FOXH1: variants seen among roughly 807,000 people sequenced by gnomAD.
FOXH1 encodes forkhead box protein H1.
Under a neutral mutation model 14.2 loss-of-function variants are expected in FOXH1, and 10 were observed. That is an observed-to-expected ratio of 0.70 (90% confidence interval 0.43 to 1.19). The LOEUF (loss-of-function observed/expected upper bound fraction) is 1.19, where lower values mean the gene tolerates loss of function less well. Ranked by LOEUF, FOXH1 falls within the 50% of genes most tolerant of loss-of-function variation. FOXH1 has a pLI of 0.00. For missense variants in FOXH1, 643 were observed against 492.1 expected (o/e 1.31, Z -2.90); for synonymous variants, 273 against 209.5 (o/e 1.30, Z -2.62).
rs754721909 is a variant in FOXH1, at chr8:144,474,753, C to T, written c.583G>A (p.Gly195Ser). 5.7e-6 allele frequency: 9 copies of T among 1,573,984 alleles called. No homozygotes were observed. In the South Asian group the frequency reaches 5.7e-5, roughly 10 times the overall value. Residue 195 changes from glycine (G) to serine (S), a missense_variant, in exon 3 of 3, where the codon GGC (glycine) becomes AGC (serine). Transcript: ENST00000377317. ...GCCTCCTCCCCACTGTTCCCTGTGC[C>T]TGCAGGAACTGGGCTGCTCTGTGGA... ...LAPQSSPVPA[G>S]TGNSGEEAVP... is the part of the protein sequence containing the mutation.
In FOXH1 at chr8:144,473,474, C is replaced by T. The variant is rs965769299; in HGVS notation, c.*764G>A. ...AGTAAAGTCCCTGTACCCCGTCTCC[C>T]AGGGCACAAGCTCCCTAGCCTCTTT... On this transcript the variant is annotated 3_prime_UTR_variant, in exon 3 of 3. Coordinates refer to ENST00000377317, the MANE Select transcript of FOXH1 (RefSeq NM_003923.3). 7 of 1,458,538 alleles carry T rather than the reference C, an allele frequency of 4.8e-6. No individual in the cohort carries two copies. Among genetic ancestry groups the T allele is most frequent in the Middle Eastern group, 1.8e-4 (1 of 5,522 alleles). 90.3% of individuals were successfully genotyped at this position (1,458,538 alleles called of 1,614,324 possible).
In FOXH1 at chr8:144,474,553, A is replaced by G. The variant is rs151147114; in HGVS notation, c.783T>C (p.Pro261=). ...TGTGTCCCCCGCTGGACCGTCCCCC[A>G]GGAACTGCGGTGCCCTGCAGTAAGT... is the stretch of plus-strand genomic sequence containing the variant. ...PLHLLQGTAV[P]GGRSSGGHRA... Residue 261 remains proline (P), a synonymous_variant, in exon 3 of 3, where the codon CCT becomes CCC. Coordinates refer to ENST00000377317, the MANE Select transcript of FOXH1 (RefSeq NM_003923.3). 2.2e-3 allele frequency: 3,595 copies of G among 1,610,902 alleles called. 22 individuals are homozygous for G. The highest frequency in any genetic ancestry group is 1.7e-3 in the Non-Finnish European group (1,954 of 1,179,876).
In FOXH1 at chr8:144,473,496, C is replaced by T; in HGVS notation, c.*742G>A. The stretch of plus-strand genomic sequence containing the variant: ...TCCCAGGGCACAAGCTCCCTAGCCT[C>T]TTTGGATCCATTGCCCCTGAGCTCC... On this transcript the variant is annotated 3_prime_UTR_variant, in exon 3 of 3. Transcript: ENST00000377317. 2.8e-6 allele frequency: 4 copies of T among 1,424,184 alleles called. No homozygotes were observed. Among genetic ancestry groups the T allele is most frequent in the Non-Finnish European group, 3.7e-6 (4 of 1,090,558 alleles). The allele number at this position is 1,424,184 out of a possible 1,614,324, so 88.2% of individuals were successfully genotyped here.
Position 144,474,351 on chromosome 8 carries a change from C to G in FOXH1, c.985G>C (p.Ala329Pro), listed in dbSNP as rs200505906. The G allele has an allele frequency of 6.2e-7, 1 of 1,613,056 alleles. No individual in the cohort carries two copies. The change falls in exon 3 of 3, where the codon GCC (alanine) becomes CCC (proline). Residue 329 changes from alanine (A) to proline (P), a missense_variant. By Grantham distance (27) the Ala-to-Pro change is conservative (BLOSUM62 -1). Coordinates refer to ENST00000377317, the MANE Select transcript of FOXH1 (RefSeq NM_003923.3). ...GPPGLLCDLD[A>P]LFQGVPPNKS... ...TTGGGTGGCACCCCTTGGAAGAGGGCGTCTAGATCGCAGAGCAGCCCTGGG... is the reference window on the plus strand; with the variant it reads ...TTGGGTGGCACCCCTTGGAAGAGGGGGTCTAGATCGCAGAGCAGCCCTGGG...
In FOXH1 at chr8:144,474,658, C is replaced by G. The variant is rs548599748; in HGVS notation, c.678G>C (p.Thr226=). 2.6e-6 allele frequency: 4 copies of G among 1,555,958 alleles called. No individual in the cohort carries two copies. The highest frequency in any genetic ancestry group is 1.4e-5 in the African/African-American group (1 of 73,850). ...CCTGCACAGTCTCCCCCTCCACTCT[C>G]GTGGGGCCAGGAAGGGGGCAGAGGG... is the stretch of plus-strand genomic sequence containing the variant. ...LWPLCPLPGP[T]RVEGETVQGG... Residue 226 remains threonine, a synonymous_variant, in exon 3 of 3, where the codon ACG becomes ACC. Transcript: ENST00000377317.
At position 144,474,357 on chromosome 8, in the gene FOXH1, G is replaced by A. The variant is rs1210449149; in HGVS notation, c.979C>T (p.Leu327=). Residue 327 remains leucine (L), a synonymous_variant, in exon 3 of 3, where the codon CTA becomes TTA. Transcript: ENST00000377317. Reference sequence around the variant, plus strand: ...GGCACCCCTTGGAAGAGGGCGTCTAGATCGCAGAGCAGCCCTGGGGGCCCT... The same window carrying A: ...GGCACCCCTTGGAAGAGGGCGTCTAAATCGCAGAGCAGCCCTGGGGGCCCT... The part of the protein sequence containing the change: ...TRGPPGLLCD[L]DALFQGVPPN... 2 of 1,612,978 alleles carry A rather than the reference G, an allele frequency of 1.2e-6. No homozygotes were observed. Among genetic ancestry groups the A allele is most frequent in the African/African-American group, 1.3e-5 (1 of 74,948 alleles).
chr8:144,475,549 G>A, intron 1 of FOXH1, 34 bp downstream of exon 1: 5 of 1,440,702 alleles, frequency 3.5e-6, no homozygotes, highest in South Asian at 1.5e-5. Context: ...AACGAGTCTG[G>A]GGAAAGAGAG....
intron 1 of FOXH1, 84 bp from the exon 2 acceptor site, chr8:144,475,345 A>T: frequency 8.2e-7 from 1 of 1,223,276 alleles, no homozygotes; most frequent in Non-Finnish European, 1.2e-6. Context: ...TACCGGGCTC[A>T]GGGGCGCGCG....
Position 144,474,785 on chromosome 8 carries a change from C to T in FOXH1, c.551G>A (p.Gly184Glu). The change falls in exon 3 of 3, where the codon GGG (glycine) becomes GAG (glutamate). Residue 184 changes from glycine to glutamate, a missense_variant. Gly to Glu is a moderately conservative substitution (Grantham distance 98, BLOSUM62 -2). Transcript: ENST00000377317. Reference sequence around the variant, plus strand: ...AACTGGGCTGCTCTGTGGAGCTAGCCCCGGCCAGGGTGCCCCCTCCCCGGA... The same window carrying T: ...AACTGGGCTGCTCTGTGGAGCTAGCTCCGGCCAGGGTGCCCCCTCCCCGGA... ...GGSGEGAPWPGLAPQSSPVPA... is the reference protein window; with the variant it reads ...GGSGEGAPWPELAPQSSPVPA... The T allele has an allele frequency of 1.2e-6, 2 of 1,602,096 alleles. No individual in the cohort carries two copies. The highest frequency in any genetic ancestry group is 8.5e-7 in the Non-Finnish European group (1 of 1,173,968).
chr8:144,473,848 T>G lies in FOXH1; in HGVS notation c.*390A>C. The G allele has an allele frequency of 1.7e-5, 6 of 352,058 alleles. No individual in the cohort carries two copies. The highest frequency in any genetic ancestry group is 2.6e-5 in the Non-Finnish European group (5 of 193,118). 21.8% of individuals were successfully genotyped at this position (352,058 alleles called of 1,614,324 possible). On this transcript the variant is annotated 3_prime_UTR_variant, in exon 3 of 3. Transcript: ENST00000377317. ...AGGTGCTACCTCCTTTCCAGACAGA[T>G]GAGAGAGGGCAGGACTTCAGGCTGG...
Position 144,474,949 on chromosome 8 carries a change from C to T in FOXH1, c.387G>A (p.Arg129=), listed in dbSNP as rs762650637. ...ALRLQNTALC[R]RWQNGGARGA... ...CACGCGCACCTCCGTTCTGCCAGCG[C>T]CGGCACAGGGCGGTGTTCTGCAGCC... is the stretch of plus-strand genomic sequence containing the variant. Residue 129 remains arginine (R), a synonymous_variant, in exon 3 of 3, where the codon CGG becomes CGA. Coordinates refer to ENST00000377317, the MANE Select transcript of FOXH1 (RefSeq NM_003923.3). 64 of 1,607,888 alleles carry T rather than the reference C, an allele frequency of 4.0e-5. 2 individuals are homozygous for T. The Admixed American group carries it at 1.0e-3, about 25-fold the overall frequency.
rs1825063597 is a variant in FOXH1 at position 144,474,160 on chromosome 8, C to G, written c.*78G>C. On this transcript the variant is annotated 3_prime_UTR_variant, in exon 3 of 3. Coordinates refer to ENST00000377317, the MANE Select transcript of FOXH1 (RefSeq NM_003923.3). ...GTTTCGAGGCTGCTGTGGTCGCAGA[C>G]AGCCGCCTCGCCTTGGCTCCCTGTC... 4 of 1,176,572 alleles carry G rather than the reference C, an allele frequency of 3.4e-6. No individual in the cohort carries two copies. The South Asian group carries it at 6.3e-5, about 18-fold the overall frequency. The allele number at this position is 1,176,572 out of a possible 1,614,324, so 72.9% of individuals were successfully genotyped here. A position where few individuals can be genotyped will look rare whatever the true frequency, so the allele number is the denominator to read the frequency against.
rs146750489 is a variant in FOXH1 at position 144,475,002 on chromosome 8, C to T, written c.334G>A (p.Val112Met). Residue 112 changes from valine (V) to methionine (M), a missense_variant, in exon 3 of 3, where the codon GTG becomes ATG. By Grantham distance (21) the Val-to-Met change is conservative. Transcript: ENST00000377317. ...AGCGCCTCAGCTGGGATCAGGCTCA[C>T]GTCGACCGCCCAGAAGTTGCCCTTG... Reference protein sequence around the residue: ...QAKGNFWAVDVSLIPAEALRL... With the variant: ...QAKGNFWAVDMSLIPAEALRL... The T allele has an allele frequency of 9.8e-5, 157 of 1,606,160 alleles. No homozygotes were observed. The highest frequency in any genetic ancestry group is 7.7e-4 in the African/African-American group (58 of 74,870).
Position 144,474,032 on chromosome 8 carries a change from C to G in FOXH1, c.*206G>C, listed in dbSNP as rs1231457677. On this transcript the variant is annotated 3_prime_UTR_variant, in exon 3 of 3. Transcript: ENST00000377317. ...GCTTTGCCGCTGAGTGTAGGAAAAACAGGCATGACAGACCAGGGTGAGGGT... is the reference window on the plus strand; with the variant it reads ...GCTTTGCCGCTGAGTGTAGGAAAAAGAGGCATGACAGACCAGGGTGAGGGT... 1.7e-6 allele frequency: 1 copy of G among 578,918 alleles called. No homozygotes were observed. Among genetic ancestry groups the G allele is most frequent in the African/African-American group, 1.9e-5 (1 of 53,606 alleles). 35.9% of individuals were successfully genotyped at this position (578,918 alleles called of 1,614,324 possible).
rs1825117116 is a variant in FOXH1, at chr8:144,475,323, C to T, written c.175-62G>A. The T allele has an allele frequency of 5.1e-6, 7 of 1,380,464 alleles. No homozygotes were observed. The South Asian group carries it at 6.0e-5, about 12-fold the overall frequency. 85.5% of individuals were successfully genotyped at this position (1,380,464 alleles called of 1,614,324 possible). ...CAGACGGGGAGGGGGTAGCGCCCTA[C>T]CCCTCCCCCACTACCGGGCTCAGGG... On this transcript the variant is annotated intron_variant, in intron 1 of 2. Transcript: ENST00000377317.
chr8:144,474,192 G>A lies in FOXH1; in HGVS notation c.*46C>T, dbSNP rs781228976. ...CTCGCCTTGGCTCCCTGTCAACAAG[G>A]TGGGGGTGGGAGCGGGAGGGAGGAG... On this transcript the variant is annotated 3_prime_UTR_variant, in exon 3 of 3. Transcript: ENST00000377317. 42 of 1,427,678 alleles carry A rather than the reference G, an allele frequency of 2.9e-5. No individual in the cohort carries two copies. Among genetic ancestry groups the A allele is most frequent in the Non-Finnish European group, 3.9e-5 (41 of 1,058,998 alleles). 88.4% of individuals were successfully genotyped at this position (1,427,678 alleles called of 1,614,324 possible).
chr8:144,475,060 G>A lies in FOXH1; in HGVS notation c.280-4C>T. On this transcript the variant is annotated splice_polypyrimidine_tract_variant and splice_region_variant and intron_variant, in intron 2 of 2. Transcript: ENST00000377317. ...GCTTTGCAGGGTCCTTGGGCACCTG[G>A]GTGTGGGGGTCAGACATGGGTGGGG... is the stretch of plus-strand genomic sequence containing the variant. 2 of 1,600,340 alleles carry A rather than the reference G, an allele frequency of 1.2e-6. No individual in the cohort carries two copies. Among genetic ancestry groups the A allele is most frequent in the Admixed American group, 1.7e-5 (1 of 57,932 alleles).
Position 144,474,797 on chromosome 8 carries a change from GC to G in FOXH1, c.538del (p.Ala180HisfsTer6). On this transcript the variant is annotated frameshift_variant, in exon 3 of 3. Coordinates refer to ENST00000377317, the MANE Select transcript of FOXH1 (RefSeq NM_003923.3). LOFTEE classifies it low-confidence loss of function (END_TRUNC). The part of the protein sequence containing the change: ...KSLLGGSGEG[A>X]PWPGLAPQSS... ...CTGTGGAGCTAGCCCCGGCCAGGGT[GC>G]CCCCTCCCCGGACCCTCCTAGCAGG... 1 of 1,605,678 alleles carries G rather than the reference GC, an allele frequency of 6.2e-7. No homozygotes were observed. Among genetic ancestry groups the G allele is most frequent in the Non-Finnish European group, 8.5e-7 (1 of 1,175,850 alleles).
At position 144,474,953 on chromosome 8, in the gene FOXH1, C is replaced by T. The variant is rs774164598; in HGVS notation, c.383G>A (p.Cys128Tyr). The T allele has an allele frequency of 7.5e-6, 12 of 1,607,754 alleles. No homozygotes were observed. The highest frequency in any genetic ancestry group is 1.3e-5 in the African/African-American group (1 of 74,974). Reference sequence around the variant, plus strand: ...CGCACCTCCGTTCTGCCAGCGCCGGCACAGGGCGGTGTTCTGCAGCCGGAG... The same window carrying T: ...CGCACCTCCGTTCTGCCAGCGCCGGTACAGGGCGGTGTTCTGCAGCCGGAG... ...EALRLQNTAL[C>Y]RRWQNGGARG... Residue 128 changes from cysteine to tyrosine, a missense_variant, in exon 3 of 3, where the codon TGC becomes TAC. Transcript: ENST00000377317.
Sources: allele counts gnomAD v4.1 joint callset, GRCh38; gene constraint gnomAD v4.1.1; transcripts MANE v1.5; gene names NCBI Gene and HGNC (gene_info 2026-07-23, HGNC 2026-07-21).